Variants in BCAS3 observed in about 807,000 individuals in gnomAD.
BCAS3 encodes the protein BCAS3 microtubule associated cell migration factor.
Under a neutral mutation model 116.1 loss-of-function variants are expected in BCAS3, and 53 were observed. The ratio of observed to expected loss-of-function variants is 0.46; its 90% confidence interval spans 0.37 to 0.57. The LOEUF (loss-of-function observed/expected upper bound fraction) is 0.57. BCAS3 is among the 20% of genes least tolerant of loss of function. The pLI, the probability that BCAS3 is intolerant of heterozygous loss-of-function variation, is 0.00. For synonymous variants in BCAS3, 391 were observed against 408.2 expected (o/e 0.96, Z 0.51); for missense variants, 917 against 1,165.4 (o/e 0.79, Z 3.10).
At chr17:60,854,104 A>T (rs993699608) in intron 7 of BCAS3, among the ~76,000 whole-genome samples, 12 of 151,824 alleles carry the variant, frequency 7.9e-5, no homozygotes, top group African/African-American at 2.9e-4. Flanking sequence ...CCTGTGTCCA[A>T]GTGTTCTCAT....
chr17:60,902,578 A>C (rs755845131), intron 10 of BCAS3, 42 bp from the exon 11 acceptor site: 5 of 1,468,510 alleles, frequency 3.4e-6, no homozygotes, highest in Non-Finnish European at 4.8e-6. Flanking sequence ...TAAACAGATT[A>C]ATAGAAATGA....
At position 61,211,176 on chromosome 17, in the gene BCAS3, C is replaced by CA. The variant is rs1447156551; in HGVS notation, c.2425+126618dup. On this transcript the variant is annotated intron_variant, in intron 22 of 23. Coordinates refer to ENST00000407086, the MANE Select transcript of BCAS3 (RefSeq NM_017679.5). This position sits in a 1 kb window ranked among gnomAD's most constrained non-coding sequence, Gnocchi z 4.4. ...AAATGGAATGACGTTAAAATTCTCC[C>CA]AAAAAAGGTTGGAACCACCTCTGCT... Among the ~76,000 whole-genome samples the CA allele has an allele frequency of 6.6e-6, 1 of 152,102 alleles. No homozygotes were observed. The highest frequency in any genetic ancestry group is 1.9e-4 in the East Asian group (1 of 5,190).
rs1286441160 is a variant in BCAS3 at position 61,199,641 on chromosome 17, T to C, written c.2425+115077T>C. Among the ~76,000 whole-genome samples the C allele has an allele frequency of 1.3e-5, 2 of 152,198 alleles. No homozygotes were observed. Among genetic ancestry groups the C allele is most frequent in the Non-Finnish European group, 2.9e-5 (2 of 68,034 alleles). On this transcript the variant is annotated intron_variant, in intron 22 of 23. Transcript: ENST00000407086. The surrounding 1 kb of genome is among the most constrained non-coding windows in gnomAD (Gnocchi z 4.6). ...ACTTGCAAGGTGGACAATGTTAACT[T>C]TGAACAGTGAACACAAAGGGTAATG...
At chr17:60,801,793 A>C (rs2047808589) in intron 6 of BCAS3, among the ~76,000 whole-genome samples, 1 of 152,164 alleles carries the variant, frequency 6.6e-6, no homozygotes, top group Admixed American at 6.5e-5. Flanking sequence ...AGAAGCTGAT[A>C]AAATCGTAGT....
chr17:60,899,331 C>T (rs150206559), intron 10 of BCAS3, among the ~76,000 whole-genome samples: 11 of 152,128 alleles, frequency 7.2e-5, no homozygotes, highest in East Asian at 3.9e-4. Flanking sequence ...CTGCCCAGCT[C>T]GCAACCAAGT....
In BCAS3 at chr17:61,122,328, A is replaced by C. The variant is rs1349994948; in HGVS notation, c.2425+37764A>C. 1.3e-5 allele frequency among the ~76,000 whole-genome samples: 2 copies of C among 152,236 alleles called. No homozygotes were observed. Among genetic ancestry groups the C allele is most frequent in the Non-Finnish European group, 2.9e-5 (2 of 68,032 alleles). ...AGGAGGCCTTCTGAAAATCTGTCTC[A>C]CATTCACTCAGGCTGCCCTTGGTTT... On this transcript the variant is annotated intron_variant, in intron 22 of 23. Coordinates refer to ENST00000407086, the MANE Select transcript of BCAS3 (RefSeq NM_017679.5). The surrounding 1 kb of genome is among the most constrained non-coding windows in gnomAD (Gnocchi z 4.6).
intron 6 of BCAS3, among the ~76,000 whole-genome samples, chr17:60,779,370 CTTTTT>C (rs374528469): frequency 1.4e-5 from 2 of 140,864 alleles, no homozygotes; most frequent in Non-Finnish European, 1.6e-5. Context: ...TATTTTCTTT[CTTTTT>C]TTTTTTTTTT....
chr17:60,985,690 T>G (rs1056793721), intron 14 of BCAS3, among the ~76,000 whole-genome samples: 6 of 152,072 alleles, frequency 3.9e-5, no homozygotes, highest in African/African-American at 1.2e-4. Flanking sequence ...TTCCAGCCTC[T>G]CGTAAACATC....
intron 22 of BCAS3, among the ~76,000 whole-genome samples, chr17:61,092,280 A>G (rs1216996923): frequency 6.6e-6 from 1 of 152,146 alleles, no homozygotes; most frequent in Non-Finnish European, 1.5e-5. Context: ...GCTTTTGGCT[A>G]TTAGGAATAA....
chr17:60,682,909 C>T (rs1053976926), intron 2 of BCAS3, among the ~76,000 whole-genome samples: 4 of 152,126 alleles, frequency 2.6e-5, no homozygotes, highest in African/African-American at 9.7e-5. Flanking sequence ...AGTGTCCTTA[C>T]TTAATTAACA....
In BCAS3 at chr17:61,235,507, A is replaced by G. The variant is rs961989558; in HGVS notation, c.2426-132820A>G. On this transcript the variant is annotated intron_variant, in intron 22 of 23. Coordinates refer to ENST00000407086, the MANE Select transcript of BCAS3 (RefSeq NM_017679.5). This position sits in a 1 kb window ranked among gnomAD's most constrained non-coding sequence, Gnocchi z 5.0. Reference sequence around the variant, plus strand: ...AATTTATTAACAAGGGCTTAATTTCATTCCAAACAGATTGTGAGGTGACTA... The same window carrying G: ...AATTTATTAACAAGGGCTTAATTTCGTTCCAAACAGATTGTGAGGTGACTA... Among the ~76,000 whole-genome samples, 4 of 152,190 alleles carry G rather than the reference A, an allele frequency of 2.6e-5. No homozygotes were observed. The highest frequency in any genetic ancestry group is 9.6e-5 in the African/African-American group (4 of 41,452).
In BCAS3 at chr17:61,204,777, C is replaced by T. The variant is rs2081031139; in HGVS notation, c.2425+120213C>T. ...ACAAAAAATTAAAGAATTGGCCTGG[C>T]ATGGTGGCTCATGTCTGTAATCCAA... On this transcript the variant is annotated intron_variant, in intron 22 of 23. Transcript: ENST00000407086. The surrounding 1 kb of genome is among the most constrained non-coding windows in gnomAD (Gnocchi z 4.2). Among the ~76,000 whole-genome samples, 1 of 152,124 alleles carries T rather than the reference C, an allele frequency of 6.6e-6. No homozygotes were observed.
chr17:60,975,039 G>T (rs561169312), intron 14 of BCAS3, among the ~76,000 whole-genome samples: 1 of 148,046 alleles, frequency 6.8e-6, no homozygotes. Flanking sequence ...CTGTCGCCCA[G>T]GCCGGACTGC....
intron 22 of BCAS3, among the ~76,000 whole-genome samples, chr17:61,322,781 T>TGAGAGAGA (rs1568849812): frequency 8.3e-6 from 1 of 121,208 alleles, no homozygotes; most frequent in African/African-American, 3.5e-5. Flanking sequence ...AAGCCTCTCT[T>TGAGAGAGA]GAGAGAGAGA....
At position 61,213,460 on chromosome 17, in the gene BCAS3, G is replaced by A. The variant is rs1399524277; in HGVS notation, c.2425+128896G>A. Among the ~76,000 whole-genome samples, 4 of 152,038 alleles carry A rather than the reference G, an allele frequency of 2.6e-5. No homozygotes were observed. Among genetic ancestry groups the A allele is most frequent in the Non-Finnish European group, 4.4e-5 (3 of 68,024 alleles). On this transcript the variant is annotated intron_variant, in intron 22 of 23. Transcript: ENST00000407086. The surrounding 1 kb of genome is among the most constrained non-coding windows in gnomAD (Gnocchi z 5.4). Reference sequence around the variant, plus strand: ...TGGGATTACAGGTGTGAGCCACCGCGCCTGGCCTATTCATATATTTTTATA... The same window carrying A: ...TGGGATTACAGGTGTGAGCCACCGCACCTGGCCTATTCATATATTTTTATA...
intron 22 of BCAS3, among the ~76,000 whole-genome samples, chr17:61,329,404 G>T (rs1233749049): frequency 6.8e-6 from 1 of 147,424 alleles, no homozygotes; most frequent in African/African-American, 2.5e-5. Flanking sequence ...GCAGTGGCGC[G>T]ATCTCGGCTC....
chr17:61,114,380 C>A (rs930093076), intron 22 of BCAS3, among the ~76,000 whole-genome samples: 26 of 146,366 alleles, frequency 1.8e-4, no homozygotes, highest in East Asian at 1.2e-3. Context: ...TGATAAGCAA[C>A]TTCAGCAAAG....
At position 61,132,865 on chromosome 17, in the gene BCAS3, C is replaced by T. The variant is rs2076413263; in HGVS notation, c.2425+48301C>T. ...GAATCCAAGCAAGGTTCATAAAATG[C>T]CACCACCCCTGATTCATGACCTGAC... On this transcript the variant is annotated intron_variant, in intron 22 of 23. Transcript: ENST00000407086. The surrounding 1 kb of genome is among the most constrained non-coding windows in gnomAD (Gnocchi z 5.1). 1.3e-5 allele frequency among the ~76,000 whole-genome samples: 2 copies of T among 152,128 alleles called. No homozygotes were observed. The highest frequency in any genetic ancestry group is 4.1e-4 in the South Asian group (2 of 4,822).
In BCAS3 at chr17:61,388,970, A is replaced by G. The variant is rs2059994301; in HGVS notation, c.2594-3007A>G. ...CCTCCCCTTACCACATCATTCATTC[A>G]TTCATTCATTCATTCATTCATTCAT... On this transcript the variant is annotated intron_variant, in intron 23 of 23. Transcript: ENST00000407086. The surrounding 1 kb of genome is among the most constrained non-coding windows in gnomAD (Gnocchi z 6.5). 5.3e-6 allele frequency: 2 copies of G among 379,578 alleles called. No individual in the cohort carries two copies. Among genetic ancestry groups the G allele is most frequent in the Non-Finnish European group, 9.1e-6 (2 of 219,686 alleles). The allele number at this position is 379,578 out of a possible 1,614,324, so 23.5% of individuals were successfully genotyped here.
Sources: gnomAD v4.1 joint callset for allele counts (sites outside exome capture counted in the v4.1 genomes callset) on GRCh38, gnomAD v4.1.1 for gene constraint, Gnocchi (gnomAD v3.1) non-coding constraint, MANE v1.5 for transcripts, NCBI Gene and HGNC (gene_info 2026-07-23, HGNC 2026-07-21) for gene names.